LHFPL5: variants seen among roughly 807,000 people sequenced by gnomAD.
LHFPL5 encodes the protein LHFPL tetraspan subfamily member 5 protein.
In LHFPL5, 12 loss-of-function variants were observed where a neutral mutation model predicts 18.7. The ratio of observed to expected loss-of-function variants is 0.64; its 90% CI spans 0.41 to 1.04. The LOEUF is 1.04. Ranked by LOEUF, LHFPL5 falls within the 50% of genes least tolerant of loss-of-function variation. The pLI, the probability that LHFPL5 is intolerant of heterozygous loss-of-function variation, is 0.00. For missense variants in LHFPL5, 259 were observed against 292.1 expected, an observed-to-expected ratio of 0.89 and a Z score of 0.83; for synonymous variants, 111 against 120.2, an observed-to-expected ratio of 0.92 and a Z score of 0.50.
chr6:35,814,734 T>C lies in LHFPL5; in HGVS notation c.601T>C (p.Tyr201His), dbSNP rs774326291. 2 of 1,614,146 alleles carry C rather than the reference T, an allele frequency of 1.2e-6. No homozygotes were observed. Among genetic ancestry groups the C allele is most frequent in the Non-Finnish European group, 1.7e-6 (2 of 1,180,026 alleles). The change falls in exon 2 of 4, where the codon TAC becomes CAC. Residue 201 changes from tyrosine to histidine, a missense_variant. Coordinates refer to ENST00000360215, the MANE Select transcript of LHFPL5 (RefSeq NM_182548.4). This position sits in a 1 kb window ranked among gnomAD's most constrained non-coding sequence, Gnocchi z 4.2. ...CTCCTTCCTGGCCTTCGTGTTGGGC[T>C]ACCGGCAGGACAAGCTCCTCCCTGA... is the stretch of plus-strand genomic sequence containing the variant. ...ILSFLAFVLG[Y>H]RQDKLLPDDY...
intron 2 of LHFPL5, 26 bp from the exon 3 acceptor site, chr6:35,819,411 G>A (rs149370691): frequency 7.5e-5 from 121 of 1,612,808 alleles, no homozygotes; most frequent in Middle Eastern, 1.6e-4. Context: ...TGGTAGTAAC[G>A]TATACTGTTC....
intron 1 of LHFPL5, among the ~76,000 whole-genome samples, chr6:35,809,459 A>T (rs749461342): frequency 2.0e-5 from 3 of 152,128 alleles, no homozygotes; most frequent in Non-Finnish European, 4.4e-5. Context: ...AGAGGATGAC[A>T]GGGCTCTCTG....
rs1202024282 is a variant in LHFPL5, at chr6:35,823,197, AGGCTGAGC to A, written c.*235_*242del. The A allele has an allele frequency of 2.0e-5, 3 of 152,212 alleles. No homozygotes were observed. Among genetic ancestry groups the A allele is most frequent in the African/African-American group, 7.2e-5 (3 of 41,498 alleles). The allele number at this position is 152,212 out of a possible 1,614,324, so 9.4% of individuals were successfully genotyped here. ...AGTGACCCACTTCAAAGATATTCAG[AGGCTGAGC>A]GGTGCAGGGAGTGCTCAGTTGCTGG... On this transcript the variant is annotated 3_prime_UTR_variant, in exon 4 of 4. Coordinates refer to ENST00000360215, the MANE Select transcript of LHFPL5 (RefSeq NM_182548.4).
chr6:35,810,927 G>A (rs1409898185), intron 1 of LHFPL5, among the ~76,000 whole-genome samples: 1 of 152,096 alleles, frequency 6.6e-6, no homozygotes, highest in Admixed American at 6.5e-5. Context: ...CCCAAATCTT[G>A]GTGGCTTAGA....
intron 2 of LHFPL5, among the ~76,000 whole-genome samples, chr6:35,816,289 T>G (rs555610966): frequency 7.6e-6 from 1 of 131,496 alleles, no homozygotes; most frequent in African/African-American, 3.0e-5. Flanking sequence ...GAGGTTGAAG[T>G]GAGCTGAGAT....
intron 1 of LHFPL5, among the ~76,000 whole-genome samples, chr6:35,812,009 G>A (rs1439552665): frequency 6.6e-6 from 1 of 152,204 alleles, no homozygotes; most frequent in Non-Finnish European, 1.5e-5. Context: ...TGGATGACTG[G>A]ATGGCTGGTA....
intron 3 of LHFPL5, among the ~76,000 whole-genome samples, chr6:35,820,326 C>T (rs916614741): frequency 3.3e-5 from 5 of 152,052 alleles, no homozygotes; most frequent in Admixed American, 1.3e-4. Flanking sequence ...TAAAAAGAAG[C>T]GCAACATATT....
intron 1 of LHFPL5, among the ~76,000 whole-genome samples, chr6:35,808,261 C>T (rs1768603675): frequency 6.7e-6 from 1 of 149,108 alleles, no homozygotes; most frequent in Admixed American, 6.7e-5. Flanking sequence ...GACTTCAAGA[C>T]CAGCCTGGAC....
At chr6:35,810,305 T>C (rs922233590) in intron 1 of LHFPL5, among the ~76,000 whole-genome samples, 3 of 152,182 alleles carry the variant, frequency 2.0e-5, no homozygotes, top group South Asian at 2.1e-4. Context: ...AACATTCCAC[T>C]GTACCCCATC....
rs886061343 is a variant in LHFPL5 at position 35,805,810 on chromosome 6, C to A, written c.140C>A (p.Pro47His). 15 of 1,614,126 alleles carry A rather than the reference C, an allele frequency of 9.3e-6. No homozygotes were observed. Among genetic ancestry groups the A allele is most frequent in the Non-Finnish European group, 1.3e-5 (15 of 1,180,048 alleles). Residue 47 changes from proline (P) to histidine (H), a missense_variant, in exon 1 of 4, where the codon CCC (proline) becomes CAC (histidine). By Grantham distance (77) the Pro-to-His change is moderately conservative. Coordinates refer to ENST00000360215, the MANE Select transcript of LHFPL5 (RefSeq NM_182548.4). The surrounding 1 kb of genome is among the most constrained non-coding windows in gnomAD (Gnocchi z 4.3). The part of the protein sequence containing the change: ...SVLVMALFIQ[P>H]YWIGDSVNTP... ...CTGGTCATGGCCCTCTTCATCCAGC[C>A]CTACTGGATCGGCGACAGCGTCAAC...
chr6:35,815,495 C>T (rs1006130100), intron 2 of LHFPL5, among the ~76,000 whole-genome samples: 3 of 152,118 alleles, frequency 2.0e-5, no homozygotes, highest in African/African-American at 7.2e-5. Context: ...AAATTTCTTC[C>T]CCAAGTCAAG....
In LHFPL5 at chr6:35,805,918, C is replaced by T; in HGVS notation, c.248C>T (p.Pro83Leu). The T allele has an allele frequency of 1.9e-6, 3 of 1,614,252 alleles. No homozygotes were observed. The highest frequency in any genetic ancestry group is 2.5e-6 in the Non-Finnish European group (3 of 1,180,050). ...TCCGAGCTCATCTGCAAGGGCGGCCCCCTAGACTTCTCCTCCATCCCCTCT... is the reference window on the plus strand; with the variant it reads ...TCCGAGCTCATCTGCAAGGGCGGCCTCCTAGACTTCTCCTCCATCCCCTCT... ...LSSELICKGG[P>L]LDFSSIPSRA... is the part of the protein sequence containing the mutation. Residue 83 changes from proline to leucine, a missense_variant, in exon 1 of 4, where the codon CCC becomes CTC. Transcript: ENST00000360215. This position sits in a 1 kb window ranked among gnomAD's most constrained non-coding sequence, Gnocchi z 4.3.
rs557741915 is a variant in LHFPL5 at position 35,814,658 on chromosome 6, C to T, written c.525C>T (p.Ile175=). ...TGKYTLGHCT[I]RWAFMLAILS... ...AGTACACGCTGGGCCACTGCACCAT[C>T]CGCTGGGCCTTCATGCTGGCCATCC... Residue 175 remains isoleucine, a synonymous_variant, in exon 2 of 4, where the codon ATC becomes ATT. Transcript: ENST00000360215. This position sits in a 1 kb window ranked among gnomAD's most constrained non-coding sequence, Gnocchi z 4.2. 2.5e-6 allele frequency: 4 copies of T among 1,614,176 alleles called. No homozygotes were observed. In the African/African-American group the frequency reaches 5.3e-5, roughly 22 times the overall value.
At chr6:35,807,527 CG>C (rs1385956182) in intron 1 of LHFPL5, among the ~76,000 whole-genome samples, 1 of 152,038 alleles carries the variant, frequency 6.6e-6, no homozygotes. Flanking sequence ...GGAGTAGTGC[CG>C]GGGACTGGAA....
chr6:35,807,387 C>G (rs1768589355), intron 1 of LHFPL5, among the ~76,000 whole-genome samples: 2 of 152,172 alleles, frequency 1.3e-5, no homozygotes, highest in South Asian at 4.1e-4. Context: ...GCTTCTTGGT[C>G]CTTGTGCCAA....
intron 2 of LHFPL5, 61 bp from the exon 3 acceptor site, chr6:35,819,376 A>G (rs1432901909): frequency 1.3e-6 from 2 of 1,519,460 alleles, no homozygotes; most frequent in South Asian, 1.1e-5. Flanking sequence ...AGTAGTGTGC[A>G]GGAAATTATC....
chr6:35,808,782 G>A (rs763254817), intron 1 of LHFPL5, among the ~76,000 whole-genome samples: 1 of 151,584 alleles, frequency 6.6e-6, no homozygotes, highest in African/African-American at 2.4e-5. Flanking sequence ...CCCCCAACAG[G>A]TGCCATGTGT....
intron 1 of LHFPL5, among the ~76,000 whole-genome samples, chr6:35,807,307 G>A (rs1051870681): frequency 6.6e-6 from 1 of 152,126 alleles, no homozygotes. Context: ...ATAAAACTGT[G>A]GGGTAGGCAG....
At chr6:35,818,092 A>G (rs1768793733) in intron 2 of LHFPL5, among the ~76,000 whole-genome samples, 1 of 152,208 alleles carries the variant, frequency 6.6e-6, no homozygotes, top group Non-Finnish European at 1.5e-5. Context: ...TGTTAAATGA[A>G]AGGAACCAGA....
Sources: gnomAD v4.1 joint callset for allele counts (sites outside exome capture counted in the v4.1 genomes callset) on GRCh38, gnomAD v4.1.1 for gene constraint, Gnocchi (gnomAD v3.1) non-coding constraint, MANE v1.5 for transcripts, NCBI Gene and HGNC (gene_info 2026-07-23, HGNC 2026-07-21) for gene names.